Variants in IAH1 observed in about 807,000 individuals in gnomAD.
IAH1 encodes isoamyl acetate-hydrolyzing esterase 1 homolog.
Under a neutral mutation model 26.7 loss-of-function variants are expected in IAH1, and 24 were observed. The observed-to-expected ratio is 0.90, with a 90% CI of 0.65 to 1.26. IAH1 has a LOEUF of 1.26. Ranked by LOEUF, IAH1 falls within the 50% of genes most tolerant of loss-of-function variation. The pLI, the probability that IAH1 is intolerant of heterozygous loss-of-function variation, is 0.00. For missense variants in IAH1, 300 were observed against 299.9 expected (o/e 1.00, Z 0.00); for synonymous variants, 140 against 118.5 (o/e 1.18, Z -1.18).
At chr2:9,494,160 C>A (rs1662377183), downstream of IAH1, among the ~76,000 whole-genome samples, 1 of 152,156 alleles carries the variant, frequency 6.6e-6, no homozygotes. Context: ...CCCTGTGAAG[C>A]CTCGTAAATC....
At chr2:9,502,180 G>A in the IAH1 span, 3 of 1,613,784 alleles carry the variant, frequency 1.9e-6, no homozygotes, top group Admixed American at 3.3e-5. Context: ...AACCTGTGCA[G>A]TAGGACACGC....
At chr2:9,490,325 C>T (rs760787134), downstream of IAH1, 13 of 1,613,922 alleles carry the variant, frequency 8.1e-6, no homozygotes, top group Admixed American at 1.7e-5. Flanking sequence ...CTTCTCAAAC[C>T]CATCCTCGTC....
chr2:9,491,004 C>G (rs371552823), downstream of IAH1: 154 of 1,077,712 alleles, frequency 1.4e-4, 1 homozygote, highest in African/African-American at 2.2e-3. Context: ...GACCTTCCAT[C>G]AGCCAGTGAA....
intron 1 of IAH1, chr2:9,475,003 C>G (rs1452438713): frequency 1.8e-6 from 2 of 1,100,278 alleles, no homozygotes; most frequent in Non-Finnish European, 2.2e-6. Context: ...GGGTTAGCGG[C>G]CGCGGGCGAC....
intron 4 of IAH1, among the ~76,000 whole-genome samples, chr2:9,483,833 A>G (rs1429925263): frequency 6.6e-6 from 1 of 152,174 alleles, no homozygotes; most frequent in Non-Finnish European, 1.5e-5. Flanking sequence ...AATCCTGCCA[A>G]TATTCCTGCA....
chr2:9,474,653 GCCGCCCCGACGCTCGGCCTC>G lies in IAH1; in HGVS notation c.81+15_81+34del, dbSNP rs767481075. ...TCGGGGACTCCATCACCCAGGTACG[GCCGCCCCGACGCTCGGCCTC>G]CCGCCCCGGCCTCCCTGCGGGGTCG... On this transcript the variant is annotated splice_region_variant and intron_variant, in intron 1 of 5. Transcript: ENST00000497473. This position sits in a 1 kb window ranked among gnomAD's most constrained non-coding sequence, Gnocchi z 4.3. The G allele has an allele frequency of 1.9e-6, 3 of 1,543,034 alleles. No individual in the cohort carries two copies. The South Asian group carries it at 3.6e-5, about 18-fold the overall frequency.
chr2:9,493,648 A>C, downstream of IAH1: 1 of 972,856 alleles, frequency 1.0e-6, no homozygotes, highest in Non-Finnish European at 1.6e-6. Context: ...TCCACCTTCT[A>C]CTGCAGAATT....
At chr2:9,511,763 G>A in the IAH1 span, among the ~76,000 whole-genome samples, 2 of 152,106 alleles carry the variant, frequency 1.3e-5, no homozygotes. Flanking sequence ...TTGAGGTCAG[G>A]AGTTCCAGAC....
intron 2 of IAH1, among the ~76,000 whole-genome samples, chr2:9,476,743 T>C (rs748507823): frequency 2.0e-5 from 3 of 152,172 alleles, no homozygotes; most frequent in Non-Finnish European, 2.9e-5. Flanking sequence ...ACAAGGTCGA[T>C]TGATTAGTTA....
chr2:9,493,960 A>G, downstream of IAH1: 2 of 662,300 alleles, frequency 3.0e-6, no homozygotes, highest in East Asian at 2.9e-5. Context: ...ACACAAGGCA[A>G]TAACTTCCGC....
At chr2:9,479,340 A>C (rs990238589) in intron 3 of IAH1, among the ~76,000 whole-genome samples, 1 of 152,240 alleles carries the variant, frequency 6.6e-6, no homozygotes, top group African/African-American at 2.4e-5. Flanking sequence ...TTTATGAAAT[A>C]AAATAGGCTG....
chr2:9,474,442 A>T, upstream of IAH1: 2 of 492,912 alleles, frequency 4.1e-6, no homozygotes, highest in Non-Finnish European at 6.8e-6. This position sits in a 1 kb window ranked among gnomAD's most constrained non-coding sequence, Gnocchi z 4.3. Flanking sequence ...AGGGGCAACG[A>T]CCTTCGCGCG....
intron 3 of IAH1, among the ~76,000 whole-genome samples, 159 bp from the exon 4 acceptor site, chr2:9,481,127 T>C (rs1414595362): frequency 6.6e-6 from 1 of 152,238 alleles, no homozygotes; most frequent in Non-Finnish European, 1.5e-5. Flanking sequence ...GAACTATACA[T>C]TTTAATTCAT....
chr2:9,497,332 C>A, downstream of IAH1: 1 of 1,553,812 alleles, frequency 6.4e-7, no homozygotes, highest in Non-Finnish European at 8.7e-7. Flanking sequence ...GTTTCTCATA[C>A]AAGTGAGCAT....
chr2:9,494,688 G>T, downstream of IAH1: 1 of 1,614,004 alleles, frequency 6.2e-7, no homozygotes, highest in Non-Finnish European at 8.5e-7. Context: ...TCAAAAATAA[G>T]TTCTTTTGTT....
chr2:9,492,631 T>G (rs1662252325), downstream of IAH1, among the ~76,000 whole-genome samples: 1 of 152,242 alleles, frequency 6.6e-6, no homozygotes, highest in Admixed American at 6.5e-5. Context: ...CAAATCCAGT[T>G]AAACAGTCTC....
chr2:9,504,427 G>C, the IAH1 span, among the ~76,000 whole-genome samples: 2 of 151,564 alleles, frequency 1.3e-5, no homozygotes, highest in Admixed American at 6.6e-5. Context: ...CCTGGCAACA[G>C]AGCGAGACGC....
the IAH1 span, chr2:9,510,254 C>A: frequency 1.8e-6 from 2 of 1,102,990 alleles, no homozygotes; most frequent in Non-Finnish European, 2.6e-6. Context: ...ATAAGAACTG[C>A]ATGCTTATAA....
At chr2:9,481,599 T>G (rs369066878) in intron 4 of IAH1, 152 bp downstream of exon 4, 23 of 724,182 alleles carry the variant, frequency 3.2e-5, no homozygotes, top group Middle Eastern at 3.9e-4. Context: ...TATTAAATTA[T>G]AGCTTCCATT....
Sources: gnomAD v4.1 joint callset for allele counts (sites outside exome capture counted in the v4.1 genomes callset) on GRCh38, gnomAD v4.1.1 for gene constraint, Gnocchi (gnomAD v3.1) non-coding constraint, MANE v1.5 for transcripts, NCBI Gene and HGNC (gene_info 2026-07-23, HGNC 2026-07-21) for gene names.